GRIK2: variants seen among roughly 807,000 people sequenced by gnomAD.
GRIK2 encodes glutamate ionotropic receptor kainate type subunit 2.
Under a neutral mutation model 100.3 loss-of-function variants are expected in GRIK2, and 32 were observed. The observed-to-expected ratio is 0.32, with a 90% CI of 0.24 to 0.43. The LOEUF (loss-of-function observed/expected upper bound fraction) is 0.43. GRIK2 is among the 20% of genes least tolerant of loss of function. The pLI is 1.00. For synonymous variants in GRIK2, 417 were observed against 389.4 expected (o/e 1.07, Z -0.83); for missense variants, 843 against 1,114.9 (o/e 0.76, Z 3.47).
chr6:101,728,610 T>TA (rs1265171030), intron 7 of GRIK2, among the ~76,000 whole-genome samples: 8 of 152,178 alleles, frequency 5.3e-5, no homozygotes, highest in Middle Eastern at 6.8e-3. Context: ...TAGTCTTGGT[T>TA]ACTTACCTTA....
At chr6:101,550,105 A>G (rs1776433967) in intron 2 of GRIK2, among the ~76,000 whole-genome samples, 1 of 152,228 alleles carries the variant, frequency 6.6e-6, no homozygotes, top group South Asian at 2.1e-4. Flanking sequence ...GCACAAAATT[A>G]TAACTTGAAA....
chr6:101,916,307 C>T (rs9485558), intron 12 of GRIK2, among the ~76,000 whole-genome samples: 19 of 151,328 alleles, frequency 1.3e-4, no homozygotes, highest in Admixed American at 4.0e-4. Flanking sequence ...GCATTTGTGA[C>T]GTTTTTTGTA....
chr6:101,830,149 C>CA (rs1782586146), intron 10 of GRIK2, among the ~76,000 whole-genome samples: 1 of 151,892 alleles, frequency 6.6e-6, no homozygotes, highest in Non-Finnish European at 1.5e-5. Context: ...TGATCTTTGA[C>CA]AAAATCGACA....
At chr6:101,497,462 G>C (rs1449656754) in intron 2 of GRIK2, among the ~76,000 whole-genome samples, 1 of 121,798 alleles carries the variant, frequency 8.2e-6, no homozygotes, top group Non-Finnish European at 1.8e-5. Flanking sequence ...TCTTTAGTTT[G>C]ATCTATTCAC....
intron 15 of GRIK2, among the ~76,000 whole-genome samples, chr6:102,053,370 A>T (rs1006819341): frequency 6.6e-6 from 1 of 152,190 alleles, no homozygotes; most frequent in Admixed American, 6.6e-5. Context: ...ATTAATAAAT[A>T]CTGAATAGTC....
At chr6:101,448,404 C>T (rs1264251355) in intron 2 of GRIK2, among the ~76,000 whole-genome samples, 1 of 151,540 alleles carries the variant, frequency 6.6e-6, no homozygotes, top group African/African-American at 2.4e-5. Flanking sequence ...AAATATCACA[C>T]ATATTTAGTC....
chr6:101,536,457 G>A (rs1775697767), intron 2 of GRIK2, among the ~76,000 whole-genome samples: 1 of 151,546 alleles, frequency 6.6e-6, no homozygotes, highest in Non-Finnish European at 1.5e-5. Flanking sequence ...GGTATAAGGG[G>A]TAGGACCACA....
In GRIK2 at chr6:101,425,822, G is replaced by A. The variant is rs192379166; in HGVS notation, c.115+26430G>A. ...TGGCTTCTACTAACACTCCTTTTGC[G>A]TTATTCCTGAGGAGAGTTCTGTCCT... On this transcript the variant is annotated intron_variant, in intron 2 of 16. Coordinates refer to ENST00000369134, the MANE Select transcript of GRIK2 (RefSeq NM_021956.5). 9.2e-5 allele frequency among the ~76,000 whole-genome samples: 14 copies of A among 152,174 alleles called. No individual in the cohort carries two copies. In the East Asian group the frequency reaches 2.1e-3, roughly 23 times the overall value.
intron 7 of GRIK2, among the ~76,000 whole-genome samples, chr6:101,737,642 G>T (rs1346444307): frequency 6.6e-6 from 1 of 152,132 alleles, no homozygotes; most frequent in African/African-American, 2.4e-5. Flanking sequence ...AGATTTGGGT[G>T]GGGACACAGA....
intron 2 of GRIK2, among the ~76,000 whole-genome samples, chr6:101,549,401 A>C (rs35183314): frequency 0.019 from 2,935 of 151,866 alleles, 36 homozygotes; most frequent in Middle Eastern, 0.031. Context: ...AGGTGGTTTT[A>C]TGTTAGTTCA....
In GRIK2 at chr6:102,047,119, C is replaced by T. The variant is rs184457290; in HGVS notation, c.2312-8211C>T. Among the ~76,000 whole-genome samples, 113 of 152,064 alleles carry T rather than the reference C, an allele frequency of 7.4e-4. 1 individual carries two copies. Among genetic ancestry groups the T allele is most frequent in the Admixed American group, 1.2e-3 (18 of 15,252 alleles). On this transcript the variant is annotated intron_variant, in intron 15 of 16. Coordinates refer to ENST00000369134, the MANE Select transcript of GRIK2 (RefSeq NM_021956.5). ...GCCTCTACTTAAAAAGAACGAAGAT[C>T]CCAAATAGCCTGACATTATGCCTCA...
chr6:101,597,671 T>C (rs479851), intron 2 of GRIK2, among the ~76,000 whole-genome samples: 17,763 of 151,802 alleles, frequency 0.12, 1,099 homozygotes, highest in Admixed American at 0.16. Flanking sequence ...ACAAAGTTAA[T>C]GTGAAGCCTT....
chr6:101,610,211 GAAGGACCTATCTTA>G lies in GRIK2; in HGVS notation c.116-11734_116-11721del, dbSNP rs983975780. 1.5e-4 allele frequency among the ~76,000 whole-genome samples: 22 copies of G among 151,378 alleles called. 1 individual carries two copies. The highest frequency in any genetic ancestry group is 1.3e-3 in the Admixed American group (19 of 15,116). On this transcript the variant is annotated intron_variant, in intron 2 of 16. Coordinates refer to ENST00000369134, the MANE Select transcript of GRIK2 (RefSeq NM_021956.5). Reference sequence around the variant, plus strand: ...GCAAAGTAAATAGGTAAGAAGAAATGAAGGACCTATCTTAAAGTTATAGTCCATATAAATAATAG... The same window carrying G: ...GCAAAGTAAATAGGTAAGAAGAAATGAAGTTATAGTCCATATAAATAATAG...
intron 4 of GRIK2, among the ~76,000 whole-genome samples, chr6:101,633,074 G>A: frequency 6.6e-6 from 1 of 152,086 alleles, no homozygotes; most frequent in East Asian, 1.9e-4. Context: ...GGAAGATGAG[G>A]AATGATCAAT....
intron 7 of GRIK2, among the ~76,000 whole-genome samples, chr6:101,788,830 G>A (rs1779619654): frequency 6.6e-6 from 1 of 152,136 alleles, no homozygotes; most frequent in Non-Finnish European, 1.5e-5. Flanking sequence ...CCCACCAACA[G>A]TGTAAAAGTG....
chr6:101,861,186 C>CAGAA (rs1251036169), intron 11 of GRIK2, among the ~76,000 whole-genome samples: 1 of 152,156 alleles, frequency 6.6e-6, no homozygotes, highest in East Asian at 1.9e-4. Flanking sequence ...TAGGAATTTT[C>CAGAA]TAACACAGCG....
chr6:102,018,913 C>T (rs546168721), intron 14 of GRIK2, among the ~76,000 whole-genome samples: 1 of 151,878 alleles, frequency 6.6e-6, no homozygotes, highest in African/African-American at 2.4e-5. Context: ...GTAAGCAACA[C>T]AAAATATTCT....
At chr6:101,879,388 A>G (rs2128452524) in intron 11 of GRIK2, among the ~76,000 whole-genome samples, 1 of 151,980 alleles carries the variant, frequency 6.6e-6, no homozygotes, top group Non-Finnish European at 1.5e-5. Context: ...GTTATCACCT[A>G]CTCACTTTCT....
chr6:101,647,274 T>C (rs547622185), intron 4 of GRIK2, among the ~76,000 whole-genome samples: 1 of 152,040 alleles, frequency 6.6e-6, no homozygotes, highest in East Asian at 1.9e-4. Flanking sequence ...GGAGAGACTT[T>C]GCAGCTGATG....
Sources: allele counts gnomAD v4.1 joint callset (sites outside exome capture counted in the v4.1 genomes callset), GRCh38; gene constraint gnomAD v4.1.1; transcripts MANE v1.5; gene names NCBI Gene and HGNC (gene_info 2026-07-23, HGNC 2026-07-21).